Variants in LRP2 observed in about 807,000 individuals in gnomAD.
LRP2 encodes the protein low-density lipoprotein receptor-related protein 2.
Under a neutral mutation model 531.0 loss-of-function variants are expected in LRP2, and 172 were observed. That is an observed-to-expected ratio of 0.32 (90% CI 0.29 to 0.37). LRP2 has a LOEUF of 0.37. Ranked by LOEUF, LRP2 falls within the 10% of genes least tolerant of loss-of-function variation. The probability of loss-of-function intolerance (pLI) is 1.00; values close to 1 mark genes in which losing one functional copy is unlikely to be tolerated. For missense variants in LRP2, 5,167 were observed against 5,868.3 expected, an observed-to-expected ratio of 0.88 and a Z score of 3.90; for synonymous variants, 1,992 against 2,027.6, an observed-to-expected ratio of 0.98 and a Z score of 0.47.
intron 1 of LRP2, among the ~76,000 whole-genome samples, chr2:169,329,112 T>C (rs542085015): frequency 6.6e-6 from 1 of 152,172 alleles, no homozygotes; most frequent in East Asian, 1.9e-4. Context: ...TAACTGACTT[T>C]GGCGAAAAAA....
rs759565945 is a variant in LRP2 at position 169,129,047 on chromosome 2, T to G, written c.13766A>C (p.Gln4589Pro). ...KWNLFKRKSK[Q>P]TTNFENPIYA... ...GATTGGATTTTCAAAGTTGGTAGTT[T>G]GTTTAGATTTTCGTTTGAAGAGATT... Residue 4589 changes from glutamine to proline, a missense_variant, in exon 78 of 79, where the codon CAA becomes CCA. This residue lies in a region of LRP2 where 348 missense variants were observed against 369.3 expected (regional missense o/e 0.94). Transcript: ENST00000649046. 6.2e-7 allele frequency: 1 copy of G among 1,612,720 alleles called. No homozygotes were observed. The highest frequency in any genetic ancestry group is 8.5e-7 in the Non-Finnish European group (1 of 1,178,844).
At chr2:169,197,760 T>C (rs947097935) in intron 45 of LRP2, among the ~76,000 whole-genome samples, 1 of 152,310 alleles carries the variant, frequency 6.6e-6, no homozygotes, top group East Asian at 1.9e-4. Context: ...ATAATTCCTA[T>C]CTGTCTAGCC....
intron 68 of LRP2, among the ~76,000 whole-genome samples, chr2:169,147,565 C>A (rs1685962673): frequency 6.6e-6 from 1 of 152,160 alleles, no homozygotes; most frequent in African/African-American, 2.4e-5. Flanking sequence ...AATCCCCCCA[C>A]TTCAGCCTCC....
intron 13 of LRP2, 112 bp downstream of exon 13, chr2:169,277,633 G>A: frequency 2.1e-6 from 2 of 959,802 alleles, no homozygotes; most frequent in South Asian, 2.8e-5. Flanking sequence ...AAGCTATCAT[G>A]TCCACCAACA....
intron 22 of LRP2, 101 bp downstream of exon 22, chr2:169,244,592 T>C (rs534830817): frequency 6.7e-7 from 1 of 1,494,386 alleles, no homozygotes; most frequent in Non-Finnish European, 9.3e-7. Flanking sequence ...AAAGAGACAA[T>C]GAAAATTGCA....
intron 24 of LRP2, 113 bp from the exon 25 acceptor site, chr2:169,241,478 T>C: frequency 9.3e-7 from 1 of 1,080,576 alleles, no homozygotes; most frequent in Non-Finnish European, 1.4e-6. Flanking sequence ...TAGTAACAAC[T>C]ATGACCAAAT....
intron 1 of LRP2, among the ~76,000 whole-genome samples, chr2:169,358,379 A>T (rs969491995): frequency 2.0e-5 from 3 of 152,212 alleles, no homozygotes; most frequent in African/African-American, 7.2e-5. Context: ...CAAGCAGACC[A>T]GTTGATATCT....
At chr2:169,276,012 C>T (rs557666682) in intron 13 of LRP2, among the ~76,000 whole-genome samples, 2 of 151,746 alleles carry the variant, frequency 1.3e-5, no homozygotes, top group South Asian at 4.2e-4. Flanking sequence ...TTTATTTTGG[C>T]GTAATACAAA....
At chr2:169,267,252 A>C (rs898194428) in intron 16 of LRP2, among the ~76,000 whole-genome samples, 42 of 152,186 alleles carry the variant, frequency 2.8e-4, no homozygotes, top group African/African-American at 1.0e-3. Context: ...TAGGAAGCTT[A>C]GTAAAATCTC....
At chr2:169,293,355 GGA>G (rs1387108903) in intron 6 of LRP2, among the ~76,000 whole-genome samples, 10 of 152,186 alleles carry the variant, frequency 6.6e-5, no homozygotes, top group Non-Finnish European at 8.8e-5. Context: ...GTGAAGAAGT[GGA>G]GGCAAGAAAG....
intron 66 of LRP2, among the ~76,000 whole-genome samples, chr2:169,153,748 T>C (rs906122652): frequency 6.6e-6 from 1 of 152,082 alleles, no homozygotes; most frequent in African/African-American, 2.4e-5. Flanking sequence ...AAAGATAAGT[T>C]TACAGGCACA....
intron 1 of LRP2, among the ~76,000 whole-genome samples, chr2:169,337,964 A>G (rs541942016): frequency 6.6e-6 from 1 of 152,122 alleles, no homozygotes; most frequent in East Asian, 1.9e-4. Flanking sequence ...CAAATTAACC[A>G]GGTGTGATGG....
At chr2:169,221,825 C>T (rs1689021615) in intron 33 of LRP2, among the ~76,000 whole-genome samples, 1 of 152,118 alleles carries the variant, frequency 6.6e-6, no homozygotes, top group Non-Finnish European at 1.5e-5. Flanking sequence ...CCTCTTTCTG[C>T]TACAATCTCT....
At chr2:169,150,764 G>T in intron 68 of LRP2, 134 bp downstream of exon 68, 3 of 975,274 alleles carry the variant, frequency 3.1e-6, no homozygotes, top group Non-Finnish European at 4.7e-6. Context: ...TCTTGAAACA[G>T]TCATAGACGC....
intron 33 of LRP2, 108 bp downstream of exon 33, chr2:169,225,201 CT>C: frequency 8.5e-7 from 1 of 1,181,768 alleles, no homozygotes; most frequent in Non-Finnish European, 1.2e-6. Context: ...TTCCCTTTTT[CT>C]TTTTGCTTAA....
At chr2:169,164,499 G>A (rs1010085979) in intron 62 of LRP2, among the ~76,000 whole-genome samples, 1 of 152,190 alleles carries the variant, frequency 6.6e-6, no homozygotes, top group African/African-American at 2.4e-5. Context: ...TTAGAGCAGG[G>A]CCACGTGACT....
At chr2:169,248,958 A>G (rs1690130301) in intron 19 of LRP2, among the ~76,000 whole-genome samples, 1 of 32,816 alleles carries the variant, frequency 3.0e-5, no homozygotes, top group Non-Finnish European at 6.1e-5. Context: ...ACGAGACTAT[A>G]TCCCACACCT....
intron 16 of LRP2, among the ~76,000 whole-genome samples, chr2:169,261,660 G>C (rs1017517003): frequency 3.5e-4 from 53 of 152,196 alleles, no homozygotes; most frequent in African/African-American, 1.2e-3. Context: ...AATTCTACCA[G>C]AGGTACAAGG....
intron 14 of LRP2, among the ~76,000 whole-genome samples, chr2:169,274,004 A>T (rs1683488158): frequency 6.6e-6 from 1 of 152,170 alleles, no homozygotes; most frequent in African/African-American, 2.4e-5. Flanking sequence ...GGATGATGAC[A>T]TTGAAGGAGA....
Sources: gnomAD v4.1 joint callset for allele counts (sites outside exome capture counted in the v4.1 genomes callset) on GRCh38, gnomAD v4.1.1 for gene constraint, gnomAD v4.1.1 regional missense constraint, MANE v1.5 for transcripts, NCBI Gene and HGNC (gene_info 2026-07-23, HGNC 2026-07-21) for gene names.